The following FIGN variants were observed in gnomAD, a reference collection of about 807,000 sequenced individuals.
The protein encoded by FIGN is fidgetin, microtubule severing factor.
In FIGN, 11 loss-of-function variants were observed where a neutral mutation model predicts 51.3. The observed-to-expected ratio is 0.21, with a 90% CI of 0.13 to 0.35. The LOEUF is 0.35. FIGN is among the 10% of genes least tolerant of loss of function. The pLI, the probability that FIGN is intolerant of heterozygous loss-of-function variation, is 1.00. For synonymous variants in FIGN, 407 were observed against 363.2 expected (o/e 1.12, Z -1.37); for missense variants, 857 against 943.6 (o/e 0.91, Z 1.20).
intron 2 of FIGN, among the ~76,000 whole-genome samples, chr2:163,658,188 A>T (rs1196753951): frequency 6.6e-6 from 1 of 152,108 alleles, no homozygotes; most frequent in Non-Finnish European, 1.5e-5. Context: ...TTATTCTTCA[A>T]AAAGTAGGGA....
intron 2 of FIGN, among the ~76,000 whole-genome samples, chr2:163,689,805 A>G (rs1447015856): frequency 6.6e-6 from 1 of 152,160 alleles, no homozygotes; most frequent in African/African-American, 2.4e-5. Context: ...TCGCTGGTTT[A>G]TGAGCCCAAG....
At chr2:163,722,429 C>T (rs1684772652) in intron 2 of FIGN, among the ~76,000 whole-genome samples, 1 of 152,142 alleles carries the variant, frequency 6.6e-6, no homozygotes, top group Non-Finnish European at 1.5e-5. Context: ...CAACCAAAGG[C>T]AGAATGACCA....
intron 2 of FIGN, among the ~76,000 whole-genome samples, chr2:163,732,401 TA>T (rs34046189): frequency 0.055 from 8,291 of 152,014 alleles, 736 homozygotes; most frequent in African/African-American, 0.19. Flanking sequence ...CATGAAGGAG[TA>T]AAAGAGAGGA....
At chr2:163,721,842 GTCTT>G (rs1684762241) in intron 2 of FIGN, among the ~76,000 whole-genome samples, 2 of 152,242 alleles carry the variant, frequency 1.3e-5, no homozygotes, top group Admixed American at 1.3e-4. Flanking sequence ...TGACAATAGA[GTCTT>G]TGTTTTTTTC....
intron 2 of FIGN, among the ~76,000 whole-genome samples, chr2:163,720,310 A>T (rs1053976193): frequency 6.6e-6 from 1 of 152,242 alleles, no homozygotes; most frequent in Admixed American, 6.5e-5. Context: ...GGACATATGC[A>T]TGACTAAACT....
intron 2 of FIGN, among the ~76,000 whole-genome samples, chr2:163,660,845 A>G (rs370662254): frequency 7.6e-5 from 5 of 65,506 alleles, no homozygotes; most frequent in African/African-American, 3.0e-4. Flanking sequence ...ATATATACAT[A>G]TATATATGTA....
chr2:163,643,056 T>C (rs1009149788), intron 2 of FIGN, among the ~76,000 whole-genome samples: 1 of 152,106 alleles, frequency 6.6e-6, no homozygotes. Context: ...CATACGAAAT[T>C]GCCAGGGCCC....
chr2:163,727,779 C>T (rs1308443117), intron 2 of FIGN, among the ~76,000 whole-genome samples: 4 of 152,176 alleles, frequency 2.6e-5, no homozygotes, highest in Admixed American at 2.0e-4. Flanking sequence ...CAGATCCATA[C>T]TTGCTGGACA....
At position 163,611,588 on chromosome 2, in the gene FIGN, G is replaced by A. The variant is rs368385434; in HGVS notation, c.244C>T (p.Pro82Ser). The change falls in exon 3 of 3, where the codon CCT becomes TCT. Residue 82 changes from proline to serine, a missense_variant. This residue lies in a region of FIGN where 799 missense variants were observed against 849.5 expected (regional missense o/e 0.94). Coordinates refer to ENST00000333129, the MANE Select transcript of FIGN (RefSeq NM_018086.4). ...AEKYSGILEG[P>S]VDRPVLSNYS... ...TTGCTGAGTACGGGTCGGTCCACAG[G>A]ACCTTCCAAAATGCCGGAATACTTC... 1.2e-4 allele frequency: 192 copies of A among 1,614,082 alleles called. No individual in the cohort carries two copies. Among genetic ancestry groups the A allele is most frequent in the Non-Finnish European group, 1.6e-4 (185 of 1,180,032 alleles).
rs1397946910 is a variant in FIGN, at chr2:163,607,745, A to C, written c.*1807T>G. On this transcript the variant is annotated 3_prime_UTR_variant, in exon 3 of 3. Transcript: ENST00000333129. ...TAAACTAAAAAAAGAAAAGGGGAAAAAACCCAGGAAAATACATTCAAAAGG... is the reference window on the plus strand; with the variant it reads ...TAAACTAAAAAAAGAAAAGGGGAAACAACCCAGGAAAATACATTCAAAAGG... The C allele has an allele frequency of 6.6e-6, 1 of 152,630 alleles. No homozygotes were observed. Among genetic ancestry groups the C allele is most frequent in the African/African-American group, 2.4e-5 (1 of 41,454 alleles). The allele number at this position is 152,630 out of a possible 1,614,324, so 9.5% of individuals were successfully genotyped here.
intron 2 of FIGN, among the ~76,000 whole-genome samples, chr2:163,731,725 AAG>A (rs985463801): frequency 6.6e-5 from 10 of 152,082 alleles, no homozygotes; most frequent in Admixed American, 1.3e-4. Context: ...AAAAAAAAAA[AAG>A]ATGTTTCTTG....
chr2:163,708,878 A>G (rs1684543482), intron 2 of FIGN, among the ~76,000 whole-genome samples: 1 of 152,210 alleles, frequency 6.6e-6, no homozygotes, highest in East Asian at 1.9e-4. Flanking sequence ...CAGAAGTTAC[A>G]TATGATATTA....
chr2:163,622,047 A>G (rs1403533103), intron 2 of FIGN, among the ~76,000 whole-genome samples: 1 of 152,206 alleles, frequency 6.6e-6, no homozygotes, highest in African/African-American at 2.4e-5. Context: ...GTGTGTATTA[A>G]TCACATGAAA....
At chr2:163,732,723 A>C (rs577333005) in intron 2 of FIGN, among the ~76,000 whole-genome samples, 2 of 152,378 alleles carry the variant, frequency 1.3e-5, no homozygotes, top group South Asian at 2.1e-4. Flanking sequence ...TATACTGGTC[A>C]AAATATCCTT....
chr2:163,695,395 T>G (rs1381116731), intron 2 of FIGN, among the ~76,000 whole-genome samples: 1 of 152,174 alleles, frequency 6.6e-6, no homozygotes, highest in Non-Finnish European at 1.5e-5. Flanking sequence ...ACTTCCTCCC[T>G]TCCTCTCCCC....
Position 163,643,451 on chromosome 2 carries a change from G to C in FIGN, c.26-31645C>G, listed in dbSNP as rs530790310. On this transcript the variant is annotated intron_variant, in intron 2 of 2. Transcript: ENST00000333129. Reference sequence around the variant, plus strand: ...GGATAACTTGAGGTCAGGAGTTTGAGACTAGCCTGGCCAACATGGTGAAAC... The same window carrying C: ...GGATAACTTGAGGTCAGGAGTTTGACACTAGCCTGGCCAACATGGTGAAAC... Among the ~76,000 whole-genome samples, 11 of 152,234 alleles carry C rather than the reference G, an allele frequency of 7.2e-5. No homozygotes were observed. In the East Asian group the frequency reaches 1.9e-3, roughly 27 times the overall value.
At chr2:163,724,345 T>C (rs1012855877) in intron 2 of FIGN, among the ~76,000 whole-genome samples, 3 of 152,182 alleles carry the variant, frequency 2.0e-5, no homozygotes, top group Admixed American at 1.3e-4. Flanking sequence ...TGAATAGATA[T>C]CTTCATTTTT....
intron 2 of FIGN, among the ~76,000 whole-genome samples, chr2:163,643,321 AACAT>A (rs1683332035): frequency 6.6e-6 from 1 of 152,214 alleles, no homozygotes; most frequent in Non-Finnish European, 1.5e-5. Flanking sequence ...AGTAGGTAGC[AACAT>A]ACAAAAGAAC....
chr2:163,731,059 T>G (rs993125618), intron 2 of FIGN, among the ~76,000 whole-genome samples: 6 of 152,168 alleles, frequency 3.9e-5, no homozygotes, highest in East Asian at 1.9e-4. Context: ...CTGTTGATTT[T>G]GGGCCACTAA....
Sources: gnomAD v4.1 joint callset for allele counts (sites outside exome capture counted in the v4.1 genomes callset) on GRCh38, gnomAD v4.1.1 for gene constraint, gnomAD v4.1.1 regional missense constraint, MANE v1.5 for transcripts, NCBI Gene and HGNC (gene_info 2026-07-23, HGNC 2026-07-21) for gene names.